Variants in METTL25 observed in about 807,000 individuals in gnomAD.
METTL25 encodes the protein methyltransferase like 25, also known as probable methyltransferase-like protein 25.
METTL25 carries 64 observed loss-of-function variants against 71.6 expected under a neutral mutation model. The ratio of observed to expected loss-of-function variants is 0.89; its 90% CI spans 0.73 to 1.10. The LOEUF is 1.10. METTL25 is among the 50% of genes least tolerant of loss of function. The pLI, the probability that METTL25 is intolerant of heterozygous loss-of-function variation, is 0.00. For synonymous variants in METTL25, 287 were observed against 250.3 expected (o/e 1.15, Z -1.38); for missense variants, 807 against 707.0 (o/e 1.14, Z -1.60).
chr12:82,453,944 A>G (rs1271041409), intron 8 of METTL25, among the ~76,000 whole-genome samples: 1 of 152,090 alleles, frequency 6.6e-6, no homozygotes, highest in Non-Finnish European at 1.5e-5. Flanking sequence ...ACATATTTTT[A>G]TGCTTCACAC....
At chr12:82,433,559 A>G (rs758164904) in intron 6 of METTL25, among the ~76,000 whole-genome samples, 15 of 151,600 alleles carry the variant, frequency 9.9e-5, no homozygotes, top group Non-Finnish European at 1.9e-4. Flanking sequence ...CACTAACTCC[A>G]CATGGTGTGA....
rs767786707 is a variant in METTL25, at chr12:82,358,556, G to A, written c.-10G>A. 9 of 1,608,776 alleles carry A rather than the reference G, an allele frequency of 5.6e-6. No homozygotes were observed. The highest frequency in any genetic ancestry group is 3.3e-4 in the Middle Eastern group (2 of 6,052). On this transcript the variant is annotated 5_prime_UTR_variant, in exon 1 of 12. Coordinates refer to ENST00000248306, the MANE Select transcript of METTL25 (RefSeq NM_032230.3). The stretch of plus-strand genomic sequence containing the variant: ...GTTTGCGCCACCTACAGCCTCGGAG[G>A]GTGAGCGTCATGGCGGCTTCTTGCC...
rs928927756 is a variant in METTL25 at position 82,375,168 on chromosome 12, A to G, written c.260-11635A>G. On this transcript the variant is annotated intron_variant, in intron 1 of 11. Coordinates refer to ENST00000248306, the MANE Select transcript of METTL25 (RefSeq NM_032230.3). ...TTAGATATATGTTGCTGTGGTCTGA[A>G]TATGCTCCTCCAAATTCATATGCTA... is the stretch of plus-strand genomic sequence containing the variant. Among the ~76,000 whole-genome samples the G allele has an allele frequency of 2.0e-5, 3 of 152,208 alleles. No individual in the cohort carries two copies. The East Asian group carries it at 5.8e-4, about 29-fold the overall frequency.
intron 5 of METTL25, among the ~76,000 whole-genome samples, chr12:82,424,831 G>T (rs1888868009): frequency 6.6e-6 from 1 of 152,002 alleles, no homozygotes; most frequent in African/African-American, 2.4e-5. Flanking sequence ...GCCATGTGAA[G>T]ACAGGTAGAA....
At chr12:82,375,368 A>G (rs1314968525) in intron 1 of METTL25, among the ~76,000 whole-genome samples, 1 of 152,100 alleles carries the variant, frequency 6.6e-6, no homozygotes, top group East Asian at 1.9e-4. Context: ...GGAAGCAGAG[A>G]GCAACCCTCA....
At chr12:82,437,341 G>A (rs1889992666) in intron 7 of METTL25, among the ~76,000 whole-genome samples, 1 of 151,542 alleles carries the variant, frequency 6.6e-6, no homozygotes, top group South Asian at 2.1e-4. Context: ...TGTGATATTT[G>A]TAACACCATC....
chr12:82,474,771 A>T (rs923534970), intron 9 of METTL25, among the ~76,000 whole-genome samples: 5 of 152,198 alleles, frequency 3.3e-5, no homozygotes, highest in Non-Finnish European at 7.3e-5. Flanking sequence ...TACAGTAAAA[A>T]GGTGTTCTCA....
chr12:82,413,470 C>T (rs1168370117), intron 5 of METTL25, among the ~76,000 whole-genome samples: 2 of 152,072 alleles, frequency 1.3e-5, no homozygotes, highest in East Asian at 1.9e-4. Context: ...AAGTTACATT[C>T]CAAGCATAGA....
At chr12:82,426,085 G>A (rs1007891084) in intron 5 of METTL25, among the ~76,000 whole-genome samples, 4 of 152,044 alleles carry the variant, frequency 2.6e-5, no homozygotes, top group African/African-American at 9.7e-5. Context: ...AAGTAGAAAT[G>A]GTGAACTCTA....
At chr12:82,365,834 G>A (rs1422159267) in intron 1 of METTL25, among the ~76,000 whole-genome samples, 1 of 152,188 alleles carries the variant, frequency 6.6e-6, no homozygotes. Context: ...TGCAATCCCA[G>A]CACTTTGGGA....
chr12:82,467,840 G>C (rs1592773733), intron 9 of METTL25, among the ~76,000 whole-genome samples: 1 of 151,938 alleles, frequency 6.6e-6, no homozygotes, highest in African/African-American at 2.4e-5. Context: ...GCCAAGACTT[G>C]GGAAGTTTTC....
At chr12:82,382,373 A>G (rs978273247) in intron 1 of METTL25, among the ~76,000 whole-genome samples, 4 of 152,186 alleles carry the variant, frequency 2.6e-5, no homozygotes. Flanking sequence ...GTTTTACTTT[A>G]TGTCACATTC....
At chr12:82,440,485 T>A (rs936176204) in intron 8 of METTL25, among the ~76,000 whole-genome samples, 1 of 152,104 alleles carries the variant, frequency 6.6e-6, no homozygotes, top group Non-Finnish European at 1.5e-5. Flanking sequence ...TATCAAACAT[T>A]AGAAGTCTAG....
intron 4 of METTL25, among the ~76,000 whole-genome samples, chr12:82,400,743 T>C (rs919691106): frequency 4.6e-5 from 7 of 152,234 alleles, no homozygotes; most frequent in African/African-American, 1.7e-4. Context: ...AAATCACAAT[T>C]TAATAACAGA....
chr12:82,435,114 T>G (rs1939361546), intron 7 of METTL25, among the ~76,000 whole-genome samples: 1 of 151,504 alleles, frequency 6.6e-6, no homozygotes, highest in Non-Finnish European at 1.5e-5. Flanking sequence ...TTGATAAATT[T>G]TTTCTTTACT....
At chr12:82,471,633 A>G (rs1180496516) in intron 9 of METTL25, among the ~76,000 whole-genome samples, 1 of 152,218 alleles carries the variant, frequency 6.6e-6, no homozygotes, top group East Asian at 1.9e-4. Context: ...TTTTTCATCT[A>G]TTAGATGTAA....
chr12:82,394,994 T>C (rs1047960648), intron 3 of METTL25, among the ~76,000 whole-genome samples: 4 of 151,332 alleles, frequency 2.6e-5, no homozygotes, highest in Admixed American at 6.6e-5. Flanking sequence ...GGAGCTGAGG[T>C]TGTGGTGGAA....
Position 82,477,416 on chromosome 12 carries a change from T to C in METTL25, c.1719+64T>C, listed in dbSNP as rs915452202. 6 of 792,484 alleles carry C rather than the reference T, an allele frequency of 7.6e-6. No individual in the cohort carries two copies. In the Middle Eastern group the frequency reaches 8.8e-4, roughly 116 times the overall value. 49.1% of individuals were successfully genotyped at this position (792,484 alleles called of 1,614,324 possible). ...ATTAAATACAGTAATATAGAGCCAC[T>C]TATATCTAGGATAAGAGTCTTTCAC... On this transcript the variant is annotated intron_variant, in intron 11 of 11. Transcript: ENST00000248306.
At chr12:82,385,554 A>C (rs1884907444) in intron 1 of METTL25, among the ~76,000 whole-genome samples, 1 of 152,076 alleles carries the variant, frequency 6.6e-6, no homozygotes, top group African/African-American at 2.4e-5. Context: ...CCGTCTATTG[A>C]GCTCCTTTGA....
Sources: allele counts gnomAD v4.1 joint callset (sites outside exome capture counted in the v4.1 genomes callset), GRCh38; gene constraint gnomAD v4.1.1; transcripts MANE v1.5; gene names NCBI Gene and HGNC (gene_info 2026-07-23, HGNC 2026-07-21).